The following PCDHGB7 variants were observed in gnomAD, a reference collection of about 807,000 sequenced individuals.
PCDHGB7 encodes the protein protocadherin gamma-B7.
Under a neutral mutation model 61.4 loss-of-function variants are expected in PCDHGB7, and 37 were observed. That is an observed-to-expected ratio of 0.60 (90% CI 0.46 to 0.79). The LOEUF (loss-of-function observed/expected upper bound fraction) is 0.79. Ranked by LOEUF, PCDHGB7 falls within the 30% of genes least tolerant of loss-of-function variation. PCDHGB7 has a pLI of 0.00. For missense variants in PCDHGB7, 1,166 were observed against 1,202.5 expected, an observed-to-expected ratio of 0.97 and a Z score of 0.45; for synonymous variants, 464 against 503.5, an observed-to-expected ratio of 0.92 and a Z score of 1.05.
rs112156044 is a variant in PCDHGB7, at chr5:141,476,771, G to C, written c.2416-18036G>C. ...CCAGTTAGTGCTGACGGCGTTGGAC[G>C]GAGGGACCCCAGCTCTCTCCGCCAG... On this transcript the variant is annotated intron_variant, in intron 1 of 3. Coordinates refer to ENST00000398594, the MANE Select transcript of PCDHGB7 (RefSeq NM_018927.4). The surrounding 1 kb of genome is among the most constrained non-coding windows in gnomAD (Gnocchi z 7.6). 1.1e-5 allele frequency: 18 copies of C among 1,613,700 alleles called. 1 individual carries two copies. In the South Asian group the frequency reaches 1.3e-4, roughly 12 times the overall value.
intron 1 of PCDHGB7, among the ~76,000 whole-genome samples, chr5:141,456,135 G>A (rs1422353665): frequency 6.6e-6 from 1 of 152,052 alleles, no homozygotes; most frequent in Non-Finnish European, 1.5e-5. Context: ...CTGACCTCCT[G>A]ATCCGCCCGC....
chr5:141,421,863 C>T (rs767555107), intron 1 of PCDHGB7: 1 of 1,613,746 alleles, frequency 6.2e-7, no homozygotes, highest in Non-Finnish European at 8.5e-7. Flanking sequence ...ACCTGCTCCT[C>T]CTCACAGCTT....
At chr5:141,451,673 G>A (rs912482749) in intron 1 of PCDHGB7, among the ~76,000 whole-genome samples, 4 of 152,164 alleles carry the variant, frequency 2.6e-5, no homozygotes, top group African/African-American at 7.2e-5. Context: ...CTTGAGCCCA[G>A]GAGTTCAAGA....
chr5:141,470,627 G>A (rs977900352), intron 1 of PCDHGB7, among the ~76,000 whole-genome samples: 3 of 152,154 alleles, frequency 2.0e-5, no homozygotes, highest in Non-Finnish European at 2.9e-5. Flanking sequence ...TGCTTAGATA[G>A]GCCCCCTTGC....
chr5:141,506,025 A>T (rs2099850088), intron 3 of PCDHGB7, among the ~76,000 whole-genome samples: 1 of 152,150 alleles, frequency 6.6e-6, no homozygotes, highest in African/African-American at 2.4e-5. Context: ...CCCTAACTCC[A>T]GAGTAGGATT....
At position 141,486,821 on chromosome 5, in the gene PCDHGB7, A is replaced by T. The variant is rs756652952; in HGVS notation, c.2416-7986A>T. On this transcript the variant is annotated intron_variant, in intron 1 of 3. Transcript: ENST00000398594. The surrounding 1 kb of genome is among the most constrained non-coding windows in gnomAD (Gnocchi z 5.0). ...CAACCCACCCCTTAGCAGCACTGTA[A>T]CAGTTCGTCTATTTGTGCTGGACCT... 36 of 1,614,116 alleles carry T rather than the reference A, an allele frequency of 2.2e-5. No individual in the cohort carries two copies. In the South Asian group the frequency reaches 3.4e-4, roughly 15 times the overall value.
chr5:141,449,932 A>T (rs1275797555), intron 1 of PCDHGB7, among the ~76,000 whole-genome samples: 6 of 151,660 alleles, frequency 4.0e-5, no homozygotes, highest in Non-Finnish European at 5.9e-5. Flanking sequence ...CATACCTTAT[A>T]GTATATTTTA....
At position 141,486,055 on chromosome 5, in the gene PCDHGB7, C is replaced by T; in HGVS notation, c.2416-8752C>T. 6.2e-7 allele frequency: 1 copy of T among 1,614,170 alleles called. No individual in the cohort carries two copies. ...CTGATCGTGTAAGAAACCTCTTTAG[C>T]CTGCACCCCACTACTGGAAAGCTTA... On this transcript the variant is annotated intron_variant, in intron 1 of 3. Transcript: ENST00000398594. The surrounding 1 kb of genome is among the most constrained non-coding windows in gnomAD (Gnocchi z 5.0).
chr5:141,425,714 A>G (rs1259037833), intron 1 of PCDHGB7, among the ~76,000 whole-genome samples: 1 of 152,218 alleles, frequency 6.6e-6, no homozygotes, highest in African/African-American at 2.4e-5. Context: ...AAATTTTCCC[A>G]TACCACTTGA....
At chr5:141,445,312 T>C (rs1419229431) in intron 1 of PCDHGB7, among the ~76,000 whole-genome samples, 2 of 152,194 alleles carry the variant, frequency 1.3e-5, no homozygotes, top group African/African-American at 4.8e-5. Context: ...AGTTTGTAGG[T>C]TGAGAGAACC....
In PCDHGB7 at chr5:141,477,669, T is replaced by C; in HGVS notation, c.2416-17138T>C. Reference sequence around the variant, plus strand: ...TTCACAATAAATCGTGACAATGGCATAGTGTCATCCTTAGTGCCCCTAGAC... The same window carrying C: ...TTCACAATAAATCGTGACAATGGCACAGTGTCATCCTTAGTGCCCCTAGAC... On this transcript the variant is annotated intron_variant, in intron 1 of 3. Coordinates refer to ENST00000398594, the MANE Select transcript of PCDHGB7 (RefSeq NM_018927.4). This position sits in a 1 kb window ranked among gnomAD's most constrained non-coding sequence, Gnocchi z 4.9. 6.2e-7 allele frequency: 1 copy of C among 1,614,200 alleles called. No individual in the cohort carries two copies. Among genetic ancestry groups the C allele is most frequent in the Non-Finnish European group, 8.5e-7 (1 of 1,180,030 alleles).
Position 141,485,036 on chromosome 5 carries a change from C to A in PCDHGB7, c.2416-9771C>A. ...CGCCACCAGCAAAAACGGCGCGTAA[C>A]CCTTGCGGCGCCGGCCGAACCGCGC... On this transcript the variant is annotated intron_variant, in intron 1 of 3. Coordinates refer to ENST00000398594, the MANE Select transcript of PCDHGB7 (RefSeq NM_018927.4). The surrounding 1 kb of genome is among the most constrained non-coding windows in gnomAD (Gnocchi z 5.7). 1 of 698,458 alleles carries A rather than the reference C, an allele frequency of 1.4e-6. No individual in the cohort carries two copies. The highest frequency in any genetic ancestry group is 2.5e-6 in the Non-Finnish European group (1 of 399,316). The allele number at this position is 698,458 out of a possible 1,614,324, so 43.3% of individuals were successfully genotyped here. A position where few individuals can be genotyped will look rare whatever the true frequency, so the allele number is the denominator to read the frequency against.
At chr5:141,509,573 C>G (rs372901649) in intron 3 of PCDHGB7, among the ~76,000 whole-genome samples, 4 of 152,164 alleles carry the variant, frequency 2.6e-5, no homozygotes, top group Admixed American at 2.6e-4. Context: ...CTTCACAGTG[C>G]GTACAAATCA....
At chr5:141,480,715 G>A (rs906358826) in intron 1 of PCDHGB7, among the ~76,000 whole-genome samples, 1 of 152,124 alleles carries the variant, frequency 6.6e-6, no homozygotes, top group African/African-American at 2.4e-5. Flanking sequence ...ACAAATGAAA[G>A]CACAGTCTCT....
intron 2 of PCDHGB7, 62 bp downstream of exon 2, chr5:141,494,927 G>C: frequency 6.2e-7 from 1 of 1,613,516 alleles, no homozygotes; most frequent in Non-Finnish European, 8.5e-7. Context: ...GATGACGTGG[G>C]AGGAGATGGG....
Position 141,431,939 on chromosome 5 carries a change from T to A in PCDHGB7, c.2415+11665T>A, listed in dbSNP as rs1377573207. The A allele has an allele frequency of 2.2e-5, 35 of 1,613,996 alleles. No individual in the cohort carries two copies. The highest frequency in any genetic ancestry group is 2.9e-5 in the Non-Finnish European group (34 of 1,180,000). On this transcript the variant is annotated intron_variant, in intron 1 of 3. Coordinates refer to ENST00000398594, the MANE Select transcript of PCDHGB7 (RefSeq NM_018927.4). This position sits in a 1 kb window ranked among gnomAD's most constrained non-coding sequence, Gnocchi z 4.8. ...CATCCAAGGAAATCTGCCCTTTAAA[T>A]TAGAAAAATCTTACGGAAATTACTA...
chr5:141,432,305 G>T lies in PCDHGB7; in HGVS notation c.2415+12031G>T. 1 of 1,614,254 alleles carries T rather than the reference G, an allele frequency of 6.2e-7. No individual in the cohort carries two copies. Among genetic ancestry groups the T allele is most frequent in the African/African-American group, 1.3e-5 (1 of 75,072 alleles). ...CAACTCCGACACTGGGGTACTGTAT[G>T]CGCTGAGCTCCTTCGACTACGAGCA... On this transcript the variant is annotated intron_variant, in intron 1 of 3. Transcript: ENST00000398594. This position sits in a 1 kb window ranked among gnomAD's most constrained non-coding sequence, Gnocchi z 6.0.
At chr5:141,504,545 TGTTGGGGG>T in intron 2 of PCDHGB7, among the ~76,000 whole-genome samples, 1 of 151,524 alleles carries the variant, frequency 6.6e-6, no homozygotes, top group South Asian at 2.1e-4. Flanking sequence ...TCATGGCAAA[TGTTGGGGG>T]ACTGGCATTC....
chr5:141,431,604 G>C lies in PCDHGB7; in HGVS notation c.2415+11330G>C. 1 of 1,614,206 alleles carries C rather than the reference G, an allele frequency of 6.2e-7. No individual in the cohort carries two copies. Among genetic ancestry groups the C allele is most frequent in the South Asian group, 1.1e-5 (1 of 91,088 alleles). On this transcript the variant is annotated intron_variant, in intron 1 of 3. Coordinates refer to ENST00000398594, the MANE Select transcript of PCDHGB7 (RefSeq NM_018927.4). The surrounding 1 kb of genome is among the most constrained non-coding windows in gnomAD (Gnocchi z 4.8). ...AATGCGGAAGTGAGGTATTCCTTCC[G>C]GTATGTGGACGACAAGGCGGCCCAA...
Sources: allele counts gnomAD v4.1 joint callset (sites outside exome capture counted in the v4.1 genomes callset), GRCh38; gene constraint gnomAD v4.1.1; non-coding constraint Gnocchi (gnomAD v3.1); transcripts MANE v1.5; gene names NCBI Gene and HGNC (gene_info 2026-07-23, HGNC 2026-07-21).